The following KLHL1 variants were observed in gnomAD, a reference collection of about 807,000 sequenced individuals.
KLHL1 encodes kelch like family member 1.
A neutral mutation model predicts 77.7 loss-of-function variants in KLHL1; 47 were observed. The ratio of observed to expected loss-of-function variants is 0.60; its 90% confidence interval spans 0.48 to 0.77. The LOEUF (loss-of-function observed/expected upper bound fraction) is 0.77, where lower values mean the gene tolerates loss of function less well. KLHL1 is among the 30% of genes least tolerant of loss of function. The pLI, the probability that KLHL1 is intolerant of heterozygous loss-of-function variation, is 0.00. For missense variants in KLHL1, 925 were observed against 910.8 expected, an observed-to-expected ratio of 1.02 and a Z score of -0.20; for synonymous variants, 360 against 325.2, an observed-to-expected ratio of 1.11 and a Z score of -1.15.
intron 1 of KLHL1, among the ~76,000 whole-genome samples, chr13:70,092,915 GCAT>G (rs1222174136): frequency 2.1e-4 from 32 of 152,118 alleles, no homozygotes; most frequent in African/African-American, 7.7e-4. Flanking sequence ...TGAAATAATT[GCAT>G]CATCACAGGA....
intron 6 of KLHL1, among the ~76,000 whole-genome samples, chr13:69,817,536 T>C (rs1044340036): frequency 1.3e-5 from 2 of 152,270 alleles, no homozygotes; most frequent in Non-Finnish European, 2.9e-5. Flanking sequence ...AGGTGACTTC[T>C]ATTTATCTCT....
rs1236810995 is a variant in KLHL1, at chr13:69,740,616, A to C, written c.1640-60T>G. 3.8e-6 allele frequency: 5 copies of C among 1,321,958 alleles called. No individual in the cohort carries two copies. The East Asian group carries it at 1.2e-4, about 31-fold the overall frequency. 81.9% of individuals were successfully genotyped at this position (1,321,958 alleles called of 1,614,324 possible). On this transcript the variant is annotated intron_variant, in intron 7 of 10. Coordinates refer to ENST00000377844, the MANE Select transcript of KLHL1 (RefSeq NM_020866.3). ...GTTAATATCATATTGTACATTTAAA[A>C]ATCTGTTAAGTGGGTAGATCTCATG...
At chr13:70,088,292 C>T (rs1327654565) in intron 1 of KLHL1, among the ~76,000 whole-genome samples, 1 of 152,030 alleles carries the variant, frequency 6.6e-6, no homozygotes, top group East Asian at 1.9e-4. Context: ...TCTCAATCAA[C>T]AGATGTGTAA....
rs555685524 is a variant in KLHL1 at position 69,870,675 on chromosome 13, C to T, written c.1227+11608G>A. The stretch of plus-strand genomic sequence containing the variant: ...TTATTTCCAAGATACAATGGTTATG[C>T]AAGCATCGGGTAAACATTCCCATTC... On this transcript the variant is annotated intron_variant, in intron 5 of 10. Coordinates refer to ENST00000377844, the MANE Select transcript of KLHL1 (RefSeq NM_020866.3). Among the ~76,000 whole-genome samples the T allele has an allele frequency of 3.9e-5, 6 of 151,904 alleles. No homozygotes were observed. In the East Asian group the frequency reaches 7.8e-4, roughly 20 times the overall value.
chr13:70,104,883 C>T (rs1360585630), intron 1 of KLHL1, among the ~76,000 whole-genome samples: 1 of 152,028 alleles, frequency 6.6e-6, no homozygotes, highest in Non-Finnish European at 1.5e-5. Context: ...TTTGGAAATG[C>T]TGTCTTTTCT....
At chr13:70,013,885 T>C (rs1473179520) in intron 1 of KLHL1, among the ~76,000 whole-genome samples, 3 of 152,152 alleles carry the variant, frequency 2.0e-5, no homozygotes, top group South Asian at 2.1e-4. Context: ...CTACTTGTTA[T>C]AGACTCAAAG....
chr13:70,105,387 TA>T (rs1888026870), intron 1 of KLHL1, among the ~76,000 whole-genome samples: 1 of 151,698 alleles, frequency 6.6e-6, no homozygotes, highest in Non-Finnish European at 1.5e-5. Flanking sequence ...TATAAACTAC[TA>T]ATGCTGAATA....
chr13:69,791,778 G>A (rs900142524), intron 7 of KLHL1, among the ~76,000 whole-genome samples: 4 of 151,972 alleles, frequency 2.6e-5, no homozygotes, highest in East Asian at 1.9e-4. Flanking sequence ...CTCAAAGCAC[G>A]GATCATATTT....
At chr13:69,892,749 T>A (rs559228755) in intron 4 of KLHL1, among the ~76,000 whole-genome samples, 2 of 152,282 alleles carry the variant, frequency 1.3e-5, no homozygotes, top group East Asian at 3.9e-4. Flanking sequence ...GCTAGACAGT[T>A]GGGATAAAAA....
chr13:70,028,326 T>C (rs1351952914), intron 1 of KLHL1, among the ~76,000 whole-genome samples: 2 of 152,138 alleles, frequency 1.3e-5, no homozygotes, highest in African/African-American at 4.8e-5. Context: ...GCCAAAAATA[T>C]GAAAGCACTT....
At chr13:69,775,831 T>C (rs1049861385) in intron 7 of KLHL1, among the ~76,000 whole-genome samples, 1 of 151,330 alleles carries the variant, frequency 6.6e-6, no homozygotes, top group Non-Finnish European at 1.5e-5. Flanking sequence ...GCTCTCCCAA[T>C]TTTAGGTGGT....
chr13:70,061,872 T>C (rs1479472345), intron 1 of KLHL1, among the ~76,000 whole-genome samples: 1 of 152,214 alleles, frequency 6.6e-6, no homozygotes, highest in African/African-American at 2.4e-5. Flanking sequence ...GATATACGTA[T>C]ACAACATGTA....
intron 7 of KLHL1, among the ~76,000 whole-genome samples, chr13:69,742,974 A>G (rs2137933554): frequency 6.6e-6 from 1 of 152,288 alleles, no homozygotes; most frequent in East Asian, 1.9e-4. Context: ...ACAATAATTA[A>G]CTAGATGGAG....
chr13:70,069,730 A>C (rs909501579), intron 1 of KLHL1, among the ~76,000 whole-genome samples: 5 of 152,224 alleles, frequency 3.3e-5, no homozygotes, highest in African/African-American at 1.2e-4. Flanking sequence ...AACCAAGGAA[A>C]TAATCAGCAA....
At chr13:69,820,676 AG>A (rs1363365034) in intron 6 of KLHL1, among the ~76,000 whole-genome samples, 1 of 152,182 alleles carries the variant, frequency 6.6e-6, no homozygotes, top group African/African-American at 2.4e-5. Context: ...CTCCCACTAC[AG>A]GGATGCCTGT....
chr13:70,076,352 A>G (rs929422362), intron 1 of KLHL1, among the ~76,000 whole-genome samples: 5 of 151,190 alleles, frequency 3.3e-5, no homozygotes, highest in South Asian at 4.2e-4. Flanking sequence ...ATCTTTCACA[A>G]TGCCACAATG....
At chr13:70,016,729 C>T (rs916985783) in intron 1 of KLHL1, among the ~76,000 whole-genome samples, 1 of 152,154 alleles carries the variant, frequency 6.6e-6, no homozygotes, top group Non-Finnish European at 1.5e-5. Flanking sequence ...GGCAGACAGG[C>T]TCCTGGACAA....
At chr13:69,812,079 T>C (rs2138063662) in intron 6 of KLHL1, among the ~76,000 whole-genome samples, 1 of 152,302 alleles carries the variant, frequency 6.6e-6, no homozygotes, top group Admixed American at 6.5e-5. Context: ...TTTAAATGTG[T>C]CCCAGAGATT....
At chr13:70,064,458 G>A (rs1296639491) in intron 1 of KLHL1, among the ~76,000 whole-genome samples, 1 of 152,128 alleles carries the variant, frequency 6.6e-6, no homozygotes, top group Non-Finnish European at 1.5e-5. Context: ...ATTCTGTAGT[G>A]TGTTTTATGT....
Sources: allele counts gnomAD v4.1 joint callset (sites outside exome capture counted in the v4.1 genomes callset), GRCh38; gene constraint gnomAD v4.1.1; transcripts MANE v1.5; gene names NCBI Gene and HGNC (gene_info 2026-07-23, HGNC 2026-07-21).